Variants in RCOR1 observed in about 807,000 individuals in gnomAD.
RCOR1 encodes the protein REST corepressor.
A neutral mutation model predicts 64.0 loss-of-function variants in RCOR1; 12 were observed. That is an observed-to-expected ratio of 0.19 (90% CI 0.12 to 0.30). The LOEUF (loss-of-function observed/expected upper bound fraction) is 0.30. RCOR1 is among the 10% of genes least tolerant of loss of function. RCOR1 has a pLI of 1.00. For synonymous variants in RCOR1, 279 were observed against 227.2 expected, an observed-to-expected ratio of 1.23 and a Z score of -2.05; for missense variants, 502 against 621.2, an observed-to-expected ratio of 0.81 and a Z score of 2.04.
At chr14:102,602,235 A>C (rs981741887) in intron 2 of RCOR1, among the ~76,000 whole-genome samples, 1 of 152,002 alleles carries the variant, frequency 6.6e-6, no homozygotes, top group African/African-American at 2.4e-5. Context: ...TATGCTATTC[A>C]TGTACTTTTA....
chr14:102,672,276 G>A (rs1161266088), intron 2 of RCOR1, among the ~76,000 whole-genome samples: 1 of 151,826 alleles, frequency 6.6e-6, no homozygotes, highest in Non-Finnish European at 1.5e-5. Context: ...GCAGTGGTGC[G>A]ATCTCGGCTC....
chr14:102,676,761 C>T (rs1364828421), intron 2 of RCOR1, among the ~76,000 whole-genome samples: 5 of 89,354 alleles, frequency 5.6e-5, no homozygotes, highest in East Asian at 3.8e-4. Context: ...CCGGACGGGG[C>T]GGCTGGCCGG....
Position 102,592,741 on chromosome 14 carries a change from GCCT to G in RCOR1, c.-143_-141del. The G allele has an allele frequency of 8.2e-7, 1 of 1,220,926 alleles. No homozygotes were observed. The allele number at this position is 1,220,926 out of a possible 1,614,324, so 75.6% of individuals were successfully genotyped here. ...GCGGCTCCGCGCTCTGCCCGTTTGG[GCCT>G]CCCCCGACTCGGACTCGCGCCCGTG... On this transcript the variant is annotated 5_prime_UTR_variant, in exon 1 of 12. Coordinates refer to ENST00000262241, the MANE Select transcript of RCOR1 (RefSeq NM_015156.4).
At chr14:102,618,466 T>C (rs1893808141) in intron 2 of RCOR1, among the ~76,000 whole-genome samples, 1 of 151,446 alleles carries the variant, frequency 6.6e-6, no homozygotes, top group Non-Finnish European at 1.5e-5. Flanking sequence ...AAAAAAGCGC[T>C]GGGCATGGGC....
chr14:102,600,340 G>A (rs1256315697), intron 2 of RCOR1, among the ~76,000 whole-genome samples: 3 of 151,954 alleles, frequency 2.0e-5, no homozygotes, highest in Non-Finnish European at 4.4e-5. Flanking sequence ...CTCCCAAAGT[G>A]CTGGGATTAC....
At chr14:102,619,927 A>T (rs1029486768) in intron 2 of RCOR1, among the ~76,000 whole-genome samples, 21 of 152,176 alleles carry the variant, frequency 1.4e-4, no homozygotes, top group Non-Finnish European at 2.1e-4. Context: ...TTGTCCACTG[A>T]CAGCCATAAC....
At chr14:102,721,485 A>T (rs1896167380) in intron 10 of RCOR1, 108 bp downstream of exon 10, 1 of 722,098 alleles carries the variant, frequency 1.4e-6, no homozygotes, top group African/African-American at 1.8e-5. Flanking sequence ...CAGGAGCTCA[A>T]GGCTGCATTG....
intron 2 of RCOR1, chr14:102,662,226 C>T: frequency 2.0e-6 from 1 of 488,800 alleles, no homozygotes; most frequent in Admixed American, 2.3e-5. Context: ...TAGAATTAGC[C>T]AGCTGGACTC....
chr14:102,631,268 T>C (rs904967265), intron 2 of RCOR1, among the ~76,000 whole-genome samples: 1 of 150,758 alleles, frequency 6.6e-6, no homozygotes, highest in African/African-American at 2.5e-5. Flanking sequence ...AGTGGCGCAA[T>C]CTCGGCTCAC....
At chr14:102,714,132 A>T (rs1396475930) in intron 7 of RCOR1, among the ~76,000 whole-genome samples, 2 of 152,176 alleles carry the variant, frequency 1.3e-5, no homozygotes, top group South Asian at 4.1e-4. Context: ...TTTTCTTTCT[A>T]TATTACTAGA....
chr14:102,686,281 ATATTT>A (rs1287251146), intron 3 of RCOR1, among the ~76,000 whole-genome samples: 6 of 152,190 alleles, frequency 3.9e-5, no homozygotes, highest in Non-Finnish European at 8.8e-5. Context: ...AATAGATTTT[ATATTT>A]TAGAGACATT....
chr14:102,707,538 T>A (rs1321285061), intron 5 of RCOR1, 26 bp downstream of exon 5: 1 of 1,561,928 alleles, frequency 6.4e-7, no homozygotes, highest in East Asian at 2.3e-5. Flanking sequence ...CACTGAGTTC[T>A]ATTTTTTTTC....
chr14:102,678,516 C>T (rs1477327607), intron 2 of RCOR1, among the ~76,000 whole-genome samples: 2 of 152,036 alleles, frequency 1.3e-5, no homozygotes, highest in African/African-American at 2.4e-5. Context: ...TCAGGCTGGT[C>T]TCGAACCCCT....
intron 2 of RCOR1, among the ~76,000 whole-genome samples, chr14:102,676,459 G>C (rs1854385462): frequency 9.4e-6 from 1 of 106,742 alleles, no homozygotes; most frequent in African/African-American, 4.2e-5. Flanking sequence ...GGCCGGCCGG[G>C]CGGGGGGCTG....
intron 3 of RCOR1, among the ~76,000 whole-genome samples, chr14:102,690,527 G>T (rs1447094434): frequency 1.3e-5 from 2 of 152,050 alleles, no homozygotes; most frequent in Non-Finnish European, 2.9e-5. Context: ...GGAGGTCCAG[G>T]CTGCAGTGAG....
chr14:102,598,546 C>A (rs1666121523), intron 2 of RCOR1, among the ~76,000 whole-genome samples: 1 of 114,306 alleles, frequency 8.7e-6, no homozygotes. Context: ...ATCCTGGGTT[C>A]ATGCCGTTCT....
chr14:102,594,475 G>C (rs1304575697), intron 2 of RCOR1, among the ~76,000 whole-genome samples: 1 of 152,160 alleles, frequency 6.6e-6, no homozygotes, highest in African/African-American at 2.4e-5. Context: ...ACTGCACTTT[G>C]AAGTGAAAAT....
intron 2 of RCOR1, among the ~76,000 whole-genome samples, chr14:102,674,522 C>T (rs1895098934): frequency 6.6e-6 from 1 of 151,798 alleles, no homozygotes; most frequent in South Asian, 2.1e-4. Flanking sequence ...TAGATCTGAC[C>T]AGCAATTTGA....
chr14:102,711,721 A>G (rs967021463), intron 7 of RCOR1, among the ~76,000 whole-genome samples: 2 of 152,208 alleles, frequency 1.3e-5, no homozygotes, highest in Non-Finnish European at 2.9e-5. Flanking sequence ...TTTTAAGCCT[A>G]TAAAAACAGA....
Sources: gnomAD v4.1 joint callset for allele counts (sites outside exome capture counted in the v4.1 genomes callset) on GRCh38, gnomAD v4.1.1 for gene constraint, MANE v1.5 for transcripts, NCBI Gene and HGNC (gene_info 2026-07-23, HGNC 2026-07-21) for gene names.